Variants in HSD17B12 observed in about 807,000 individuals in gnomAD.
HSD17B12 encodes the protein very-long-chain 3-oxoacyl-CoA reductase.
Under a neutral mutation model 39.3 loss-of-function variants are expected in HSD17B12, and 32 were observed. That is an observed-to-expected ratio of 0.81 (90% CI 0.61 to 1.09). HSD17B12 has a LOEUF of 1.09. HSD17B12 is among the 50% of genes least tolerant of loss of function. The pLI is 0.00. For synonymous variants in HSD17B12, 150 were observed against 146.7 expected (o/e 1.02, Z -0.16); for missense variants, 342 against 382.9 (o/e 0.89, Z 0.89).
intron 1 of HSD17B12, among the ~76,000 whole-genome samples, chr11:43,722,239 T>C (rs113518292): frequency 0.019 from 2,914 of 152,298 alleles, 55 homozygotes; most frequent in South Asian, 0.04. Context: ...AGTTTGAAAA[T>C]GAAAACTCCT....
chr11:43,615,423 C>A, the HSD17B12 span, among the ~76,000 whole-genome samples: 32 of 152,278 alleles, frequency 2.1e-4, no homozygotes, highest in African/African-American at 6.7e-4. Flanking sequence ...TTCAAGAAGA[C>A]TTCTATGCAT....
chr11:43,668,413 A>T, the HSD17B12 span, among the ~76,000 whole-genome samples: 1 of 152,166 alleles, frequency 6.6e-6, no homozygotes, highest in Non-Finnish European at 1.5e-5. Flanking sequence ...GATTGATTAG[A>T]TTAGGCTCAT....
At chr11:43,628,897 T>G in the HSD17B12 span, among the ~76,000 whole-genome samples, 4 of 152,220 alleles carry the variant, frequency 2.6e-5, no homozygotes, top group South Asian at 8.3e-4. Flanking sequence ...AGCATTTGAT[T>G]GCTTAATCAA....
At chr11:43,736,864 T>C (rs1950320757) in intron 1 of HSD17B12, among the ~76,000 whole-genome samples, 1 of 152,204 alleles carries the variant, frequency 6.6e-6, no homozygotes, top group Non-Finnish European at 1.5e-5. Context: ...TCAGCACTGC[T>C]AAGCCCCTAC....
Position 43,680,922 on chromosome 11 carries a change from C to T in HSD17B12, c.95C>T (p.Thr32Met), listed in dbSNP as rs1267306370. Residue 32 changes from threonine to methionine, a missense_variant, in exon 1 of 11, where the codon ACG becomes ATG. Transcript: ENST00000278353. ...CTGCGTATTTCGTACTCGCTCTTCA[C>T]GGCCCTCCGGGTCTGGGGAGTGGGG... ...LALRISYSLF[T>M]ALRVWGVGNE... 3.7e-6 allele frequency: 6 copies of T among 1,613,556 alleles called. No individual in the cohort carries two copies. Among genetic ancestry groups the T allele is most frequent in the Non-Finnish European group, 5.1e-6 (6 of 1,179,716 alleles).
intron 1 of HSD17B12, among the ~76,000 whole-genome samples, chr11:43,687,434 G>A (rs993690425): frequency 2.6e-5 from 4 of 152,214 alleles, no homozygotes; most frequent in Admixed American, 1.3e-4. Context: ...GTGAGAACAG[G>A]AAGTATTTGG....
intron 3 of HSD17B12, among the ~76,000 whole-genome samples, chr11:43,767,430 CCTTT>C (rs1411729355): frequency 6.6e-6 from 1 of 152,042 alleles, no homozygotes; most frequent in Non-Finnish European, 1.5e-5. Context: ...GGGATTGCTT[CCTTT>C]CTTATCATGA....
intron 9 of HSD17B12, among the ~76,000 whole-genome samples, chr11:43,850,906 A>G (rs1232198211): frequency 3.9e-5 from 6 of 152,126 alleles, no homozygotes; most frequent in Non-Finnish European, 8.8e-5. Context: ...TACTAAAAAT[A>G]CAAAATTAGC....
rs1238916293 is a variant in HSD17B12, at chr11:43,711,711, T to C, written c.160+30724T>C. Among the ~76,000 whole-genome samples, 4 of 151,900 alleles carry C rather than the reference T, an allele frequency of 2.6e-5. No homozygotes were observed. The East Asian group carries it at 5.8e-4, about 22-fold the overall frequency. ...GTTGGTCTCAAACTCCTGGGCCCAA[T>C]TGATTTGTACACCTTGGCCTCCCAA... On this transcript the variant is annotated intron_variant, in intron 1 of 10. Coordinates refer to ENST00000278353, the MANE Select transcript of HSD17B12 (RefSeq NM_016142.3).
intron 3 of HSD17B12, among the ~76,000 whole-genome samples, chr11:43,787,298 C>G (rs1354605130): frequency 6.6e-6 from 1 of 152,054 alleles, no homozygotes; most frequent in Non-Finnish European, 1.5e-5. Flanking sequence ...GTATCAACTG[C>G]CTTTGCTTTT....
the HSD17B12 span, among the ~76,000 whole-genome samples, chr11:43,636,660 A>G: frequency 3.3e-5 from 5 of 152,124 alleles, no homozygotes; most frequent in Non-Finnish European, 5.9e-5. Flanking sequence ...CCGATTAAAT[A>G]ATAATTGCTG....
intron 1 of HSD17B12, chr11:43,734,702 G>A: frequency 4.1e-6 from 1 of 245,474 alleles, no homozygotes; most frequent in Non-Finnish European, 8.1e-6. Context: ...AGGAAATAAA[G>A]GTAAAATCAC....
intron 9 of HSD17B12, among the ~76,000 whole-genome samples, chr11:43,848,208 T>C (rs1170626479): frequency 1.3e-5 from 2 of 152,230 alleles, no homozygotes; most frequent in African/African-American, 2.4e-5. Context: ...TGGCCAACTA[T>C]ACCAATTTTG....
chr11:43,750,792 T>G, intron 1 of HSD17B12, 119 bp from the exon 2 acceptor site: 1 of 617,056 alleles, frequency 1.6e-6, no homozygotes, highest in Non-Finnish European at 2.8e-6. Context: ...CTGGTATTGT[T>G]CTGTCTTTTA....
chr11:43,641,633 C>G, the HSD17B12 span, among the ~76,000 whole-genome samples: 6 of 152,022 alleles, frequency 3.9e-5, no homozygotes, highest in African/African-American at 1.4e-4. Flanking sequence ...AGGCAAGAAC[C>G]TGTACTTTGT....
intron 9 of HSD17B12, among the ~76,000 whole-genome samples, chr11:43,841,650 C>A (rs1290936158): frequency 6.6e-6 from 1 of 152,200 alleles, no homozygotes; most frequent in East Asian, 1.9e-4. Context: ...TTGGCAATTT[C>A]AAATTAACCA....
intron 1 of HSD17B12, among the ~76,000 whole-genome samples, chr11:43,700,430 C>G (rs1395773576): frequency 1.3e-5 from 2 of 151,948 alleles, no homozygotes; most frequent in Non-Finnish European, 2.9e-5. Context: ...AATGGTAGGT[C>G]TTAATCATTC....
chr11:43,845,716 C>T (rs759351260), intron 9 of HSD17B12, among the ~76,000 whole-genome samples: 2 of 152,152 alleles, frequency 1.3e-5, no homozygotes, highest in Non-Finnish European at 2.9e-5. Flanking sequence ...ATCTGCTCTT[C>T]ATTGGTGGCG....
the HSD17B12 span, among the ~76,000 whole-genome samples, chr11:43,622,117 A>C: frequency 6.6e-6 from 1 of 152,168 alleles, no homozygotes; most frequent in African/African-American, 2.4e-5. Flanking sequence ...TTTGCACCCT[A>C]AACGATTTGA....
Sources: gnomAD v4.1 joint callset for allele counts (sites outside exome capture counted in the v4.1 genomes callset) on GRCh38, gnomAD v4.1.1 for gene constraint, MANE v1.5 for transcripts, NCBI Gene and HGNC (gene_info 2026-07-23, HGNC 2026-07-21) for gene names.